Variants in KIRREL3 observed in about 807,000 individuals in gnomAD.
The protein encoded by KIRREL3 is kirre like nephrin family adhesion molecule 3.
In KIRREL3, 36 loss-of-function variants were observed where a neutral mutation model predicts 89.7. That is an observed-to-expected ratio of 0.40 (90% confidence interval 0.31 to 0.53). KIRREL3 has a LOEUF of 0.53. Ranked by LOEUF, KIRREL3 falls within the 20% of genes least tolerant of loss-of-function variation. KIRREL3 has a pLI of 0.49. For missense variants in KIRREL3, 864 were observed against 1,056.6 expected, an observed-to-expected ratio of 0.82 and a Z score of 2.53; for synonymous variants, 445 against 441.4, an observed-to-expected ratio of 1.01 and a Z score of -0.10.
At chr11:126,631,426 G>T (rs876901) in intron 1 of KIRREL3, among the ~76,000 whole-genome samples, 60,815 of 152,008 alleles carry the variant, frequency 0.4, 12,626 homozygotes, top group African/African-American at 0.49. Context: ...ACAGTTTGAA[G>T]TTGTTCATAT....
rs984587123 is a variant in KIRREL3 at position 126,489,516 on chromosome 11, A to G, written c.434-16050T>C. Reference sequence around the variant, plus strand: ...TTCCTGATGGCCCTATTGTTACTCCATCTTGGATTCCTGGGTCAATTTTGG... The same window carrying G: ...TTCCTGATGGCCCTATTGTTACTCCGTCTTGGATTCCTGGGTCAATTTTGG... On this transcript the variant is annotated intron_variant, in intron 4 of 16. Transcript: ENST00000525144. This position sits in a 1 kb window ranked among gnomAD's most constrained non-coding sequence, Gnocchi z 5.5. Among the ~76,000 whole-genome samples, 5 of 152,180 alleles carry G rather than the reference A, an allele frequency of 3.3e-5. No homozygotes were observed. The highest frequency in any genetic ancestry group is 4.8e-5 in the African/African-American group (2 of 41,436).
chr11:126,971,456 T>C (rs1175366474), intron 1 of KIRREL3, among the ~76,000 whole-genome samples: 1 of 152,188 alleles, frequency 6.6e-6, no homozygotes, highest in African/African-American at 2.4e-5. Flanking sequence ...TTATGTTCTG[T>C]TCGGGGTGTT....
chr11:126,735,897 G>A (rs114515637), intron 1 of KIRREL3, among the ~76,000 whole-genome samples: 114 of 152,314 alleles, frequency 7.5e-4, no homozygotes, highest in African/African-American at 2.6e-3. Flanking sequence ...TCCTGATACT[G>A]AAGGTACAAA....
At chr11:126,942,108 C>T (rs780658225) in intron 1 of KIRREL3, among the ~76,000 whole-genome samples, 8 of 152,170 alleles carry the variant, frequency 5.3e-5, no homozygotes, top group Non-Finnish European at 1.0e-4. Flanking sequence ...GTGGTACCTT[C>T]CCAGCTCAAG....
At chr11:126,533,982 G>A (rs1959022522) in intron 2 of KIRREL3, among the ~76,000 whole-genome samples, 1 of 152,208 alleles carries the variant, frequency 6.6e-6, no homozygotes, top group Non-Finnish European at 1.5e-5. Context: ...TGGAATGGCA[G>A]GTGGCTCTCT....
intron 1 of KIRREL3, among the ~76,000 whole-genome samples, chr11:126,765,228 T>C (rs1272556563): frequency 3.3e-5 from 5 of 152,162 alleles, no homozygotes; most frequent in African/African-American, 1.2e-4. Flanking sequence ...TAAATATCAG[T>C]TTCCTCATCT....
At chr11:126,972,507 G>C (rs977173626) in intron 1 of KIRREL3, among the ~76,000 whole-genome samples, 1 of 152,172 alleles carries the variant, frequency 6.6e-6, no homozygotes, top group Non-Finnish European at 1.5e-5. Context: ...CTGAGAAAAG[G>C]GTAGGCCAAT....
chr11:126,531,406 G>A lies in KIRREL3; in HGVS notation c.134-4719C>T, dbSNP rs1034725014. On this transcript the variant is annotated intron_variant, in intron 2 of 16. Transcript: ENST00000525144. This position sits in a 1 kb window ranked among gnomAD's most constrained non-coding sequence, Gnocchi z 4.7. ...GGCTCTCCACTCTCTGCGGGACAAC[G>A]CCCAACTTCCCATGCTGGATTCTAA... is the stretch of plus-strand genomic sequence containing the variant. Among the ~76,000 whole-genome samples, 1 of 152,170 alleles carries A rather than the reference G, an allele frequency of 6.6e-6. No individual in the cohort carries two copies. Among genetic ancestry groups the A allele is most frequent in the East Asian group, 1.9e-4 (1 of 5,196 alleles).
chr11:126,925,419 A>G (rs551898475), intron 1 of KIRREL3, among the ~76,000 whole-genome samples: 62 of 152,338 alleles, frequency 4.1e-4, no homozygotes, highest in African/African-American at 1.4e-3. Flanking sequence ...TGGCTGTCCT[A>G]TGATGACATA....
chr11:126,911,492 C>T (rs1295026823), intron 1 of KIRREL3, among the ~76,000 whole-genome samples: 2 of 152,172 alleles, frequency 1.3e-5, no homozygotes, highest in Admixed American at 6.5e-5. Flanking sequence ...ACCTTCACGG[C>T]CTCACTGGCC....
rs6590209 is a variant in KIRREL3, at chr11:126,455,552, G to C, written c.848+797C>G. ...GCCTGTAATCCCAGCACTTTGGGAGGCTGAGGCAGGTGGATCACGAGGTCA... is the reference window on the plus strand; with the variant it reads ...GCCTGTAATCCCAGCACTTTGGGAGCCTGAGGCAGGTGGATCACGAGGTCA... On this transcript the variant is annotated intron_variant, in intron 7 of 16. Transcript: ENST00000525144. The surrounding 1 kb of genome is among the most constrained non-coding windows in gnomAD (Gnocchi z 6.4). 0.14 allele frequency among the ~76,000 whole-genome samples: 20,893 copies of C among 151,922 alleles called. 3,196 individuals carry two copies. Among genetic ancestry groups the C allele is most frequent in the African/African-American group, 0.36 (14,848 of 41,314 alleles).
chr11:126,881,709 G>A (rs1945505087), intron 1 of KIRREL3, among the ~76,000 whole-genome samples: 3 of 151,932 alleles, frequency 2.0e-5, no homozygotes, highest in South Asian at 2.1e-4. Context: ...CACCATACTC[G>A]GCTAATTTTT....
intron 11 of KIRREL3, chr11:126,440,226 C>A (rs1367975668): frequency 1.4e-6 from 1 of 696,266 alleles, no homozygotes; most frequent in South Asian, 1.5e-5. Context: ...CAGAGCTCAG[C>A]AGAATGGCAG....
chr11:126,903,498 T>C lies in KIRREL3; in HGVS notation c.55+96957A>G, dbSNP rs1946454038. On this transcript the variant is annotated intron_variant, in intron 1 of 16. Coordinates refer to ENST00000525144, the MANE Select transcript of KIRREL3 (RefSeq NM_032531.4). This position sits in a 1 kb window ranked among gnomAD's most constrained non-coding sequence, Gnocchi z 4.5. ...CAAAGCAAGGAGAGCTGAGCGTTTTTCCGACTTAGCTTTTCTTTCTCTAAC... is the reference window on the plus strand; with the variant it reads ...CAAAGCAAGGAGAGCTGAGCGTTTTCCCGACTTAGCTTTTCTTTCTCTAAC... Among the ~76,000 whole-genome samples, 1 of 152,212 alleles carries C rather than the reference T, an allele frequency of 6.6e-6. No homozygotes were observed. The highest frequency in any genetic ancestry group is 2.1e-4 in the South Asian group (1 of 4,834).
In KIRREL3 at chr11:126,685,244, G is replaced by A. The variant is rs556407288; in HGVS notation, c.56-122332C>T. Among the ~76,000 whole-genome samples, 34 of 152,292 alleles carry A rather than the reference G, an allele frequency of 2.2e-4. No individual in the cohort carries two copies. Among genetic ancestry groups the A allele is most frequent in the Admixed American group, 9.8e-4 (15 of 15,302 alleles). On this transcript the variant is annotated intron_variant, in intron 1 of 16. Coordinates refer to ENST00000525144, the MANE Select transcript of KIRREL3 (RefSeq NM_032531.4). The surrounding 1 kb of genome is among the most constrained non-coding windows in gnomAD (Gnocchi z 5.5). ...TGCTCTGGGGAGTCAGGGGCAGGGC[G>A]GCAGATGCTTGGGGTCACATGAACA... is the stretch of plus-strand genomic sequence containing the variant.
intron 8 of KIRREL3, among the ~76,000 whole-genome samples, chr11:126,448,041 C>G (rs1415352778): frequency 2.0e-5 from 3 of 152,118 alleles, no homozygotes; most frequent in Admixed American, 2.0e-4. Flanking sequence ...AATCCCAGCA[C>G]TTTGGGAGGC....
At chr11:126,907,714 G>A (rs545976751) in intron 1 of KIRREL3, among the ~76,000 whole-genome samples, 1 of 152,254 alleles carries the variant, frequency 6.6e-6, no homozygotes, top group East Asian at 1.9e-4. Flanking sequence ...TTGAGGACAG[G>A]AAATGAGACT....
At chr11:126,517,366 C>T (rs1958451226) in intron 4 of KIRREL3, among the ~76,000 whole-genome samples, 1 of 152,226 alleles carries the variant, frequency 6.6e-6, no homozygotes, top group African/African-American at 2.4e-5. Flanking sequence ...GCATATTCTA[C>T]TTCCTGGCCC....
At chr11:126,853,265 A>T (rs1357112793) in intron 1 of KIRREL3, among the ~76,000 whole-genome samples, 2 of 152,220 alleles carry the variant, frequency 1.3e-5, no homozygotes, top group East Asian at 3.8e-4. Context: ...TAAATTAAGC[A>T]ATTTACAAAA....
Sources: gnomAD v4.1 joint callset for allele counts (sites outside exome capture counted in the v4.1 genomes callset) on GRCh38, gnomAD v4.1.1 for gene constraint, Gnocchi (gnomAD v3.1) non-coding constraint, MANE v1.5 for transcripts, NCBI Gene and HGNC (gene_info 2026-07-23, HGNC 2026-07-21) for gene names.